The following KRT7 variants were observed in gnomAD, a reference collection of about 807,000 sequenced individuals.
The protein encoded by KRT7 is keratin 7, also known as keratin, type II cytoskeletal 7.
KRT7 carries 50 observed loss-of-function variants against 42.8 expected under a neutral mutation model. The ratio of observed to expected loss-of-function variants is 1.17; its 90% CI spans 0.93 to 1.48. The LOEUF (loss-of-function observed/expected upper bound fraction) is 1.48. Ranked by LOEUF, KRT7 falls within the 40% of genes most tolerant of loss-of-function variation. KRT7 has a pLI of 0.00. For missense variants in KRT7, 588 were observed against 637.6 expected, an observed-to-expected ratio of 0.92 and a Z score of 0.84; for synonymous variants, 268 against 266.3, an observed-to-expected ratio of 1.01 and a Z score of -0.06.
chr12:52,254,525 C>A (rs1592402503), downstream of KRT7, among the ~76,000 whole-genome samples: 1 of 152,150 alleles, frequency 6.6e-6, no homozygotes, highest in East Asian at 1.9e-4. Flanking sequence ...GGTGAAGCCC[C>A]TTATACAGTT....
chr12:52,246,775 G>A (rs934588571), intron 7 of KRT7, among the ~76,000 whole-genome samples: 3 of 152,110 alleles, frequency 2.0e-5, no homozygotes, highest in Admixed American at 6.5e-5. Context: ...CTCTGCTTTC[G>A]CCTCTCCCAC....
intron 2 of KRT7, 33 bp downstream of exon 2, chr12:52,235,399 T>C (rs1463694829): frequency 6.4e-7 from 1 of 1,559,518 alleles, no homozygotes; most frequent in East Asian, 2.3e-5. Flanking sequence ...CGAAGACCCC[T>C]GCCCCGGGCC....
chr12:52,255,539 A>AG (rs1398658259), downstream of KRT7: 1 of 424,706 alleles, frequency 2.4e-6, no homozygotes, highest in African/African-American at 2.0e-5. Flanking sequence ...GTTGGACTGA[A>AG]GGGAACTTGT....
downstream of KRT7, chr12:52,253,349 A>G (rs1422747919): frequency 6.2e-7 from 1 of 1,612,064 alleles, no homozygotes; most frequent in African/African-American, 1.3e-5. Flanking sequence ...CTGGGGAAGT[A>G]GAGTTGCTTA....
At chr12:52,242,836 A>C (rs1245531285) in intron 5 of KRT7, among the ~76,000 whole-genome samples, 176 bp from the exon 6 acceptor site, 1 of 152,134 alleles carries the variant, frequency 6.6e-6, no homozygotes, top group Admixed American at 6.6e-5. Flanking sequence ...TTGGAGGAGA[A>C]TGAATCCCTT....
intron 6 of KRT7, chr12:52,243,372 G>C (rs1942121750): frequency 2.0e-6 from 1 of 491,728 alleles, no homozygotes; most frequent in African/African-American, 2.0e-5. Flanking sequence ...GACTCAGGCT[G>C]GCTGGCCAGA....
At chr12:52,250,686 G>T, downstream of KRT7, 1 of 586,480 alleles carries the variant, frequency 1.7e-6, no homozygotes, top group Admixed American at 2.2e-5. Context: ...GCGGCCAGAG[G>T]CCCCTTCTGC....
At chr12:52,250,393 C>T (rs537169841), downstream of KRT7, 1 of 394,604 alleles carries the variant, frequency 2.5e-6, no homozygotes. Flanking sequence ...GTCTGGGGAC[C>T]GTGGGAGCTC....
intron 5 of KRT7, 98 bp downstream of exon 5, chr12:52,241,734 C>T (rs1592392577): frequency 9.0e-7 from 1 of 1,113,060 alleles, no homozygotes; most frequent in East Asian, 2.5e-5. Context: ...GCCTGGGTCC[C>T]ACTGTTCTGG....
chr12:52,243,792 G>T (rs1316379391), intron 6 of KRT7, among the ~76,000 whole-genome samples: 2 of 152,204 alleles, frequency 1.3e-5, no homozygotes, highest in African/African-American at 4.8e-5. Flanking sequence ...GTTCTTTGAA[G>T]CCCCTGTCAC....
downstream of KRT7, chr12:52,250,567 C>G (rs1471793598): frequency 8.0e-7 from 1 of 1,254,526 alleles, no homozygotes; most frequent in Non-Finnish European, 1.1e-6. Flanking sequence ...GCACTGCAGA[C>G]GCTGCCCGTC....
downstream of KRT7, chr12:52,255,479 A>G: frequency 2.2e-6 from 1 of 454,564 alleles, no homozygotes. Flanking sequence ...ACAGGCAAAC[A>G]CATTCCGGGA....
At chr12:52,254,293 G>T (rs745574728), downstream of KRT7, 5 of 976,124 alleles carry the variant, frequency 5.1e-6, no homozygotes, top group Non-Finnish European at 8.0e-6. Context: ...GCCTCAGGAA[G>T]TCGATCTCCT....
At chr12:52,238,460 G>A (rs1178776348) in intron 3 of KRT7, among the ~76,000 whole-genome samples, 2 of 152,198 alleles carry the variant, frequency 1.3e-5, no homozygotes, top group East Asian at 1.9e-4. Flanking sequence ...GGCTTCAGTT[G>A]CTCTGGGATA....
intron 1 of KRT7, among the ~76,000 whole-genome samples, chr12:52,234,952 C>T (rs896777685): frequency 6.6e-6 from 1 of 152,192 alleles, no homozygotes; most frequent in African/African-American, 2.4e-5. Flanking sequence ...GGGGCACTTC[C>T]GTGCACCAGG....
At chr12:52,251,061 C>T (rs1942259927), downstream of KRT7, among the ~76,000 whole-genome samples, 1 of 152,168 alleles carries the variant, frequency 6.6e-6, no homozygotes, top group Non-Finnish European at 1.5e-5. Flanking sequence ...CTCACTGCAA[C>T]CTCTGCCTCC....
intron 7 of KRT7, chr12:52,246,009 TG>T (rs751886574): frequency 1.8e-4 from 41 of 231,050 alleles, no homozygotes; most frequent in Non-Finnish European, 2.8e-4. Flanking sequence ...AGGGCCAGAG[TG>T]CAGTCAGGGT....
downstream of KRT7, chr12:52,252,368 C>T (rs761713415): frequency 9.3e-6 from 15 of 1,614,014 alleles, no homozygotes; most frequent in Non-Finnish European, 1.2e-5. Flanking sequence ...AGGCCATGTC[C>T]TGCTTGGCCT....
At chr12:52,251,974 C>T (rs149816001), downstream of KRT7, 79 of 611,330 alleles carry the variant, frequency 1.3e-4, no homozygotes, top group East Asian at 2.7e-3. Flanking sequence ...AAAAAGTTTG[C>T]CTGCCCAGAA....
Sources: gnomAD v4.1 joint callset for allele counts (sites outside exome capture counted in the v4.1 genomes callset) on GRCh38, gnomAD v4.1.1 for gene constraint, MANE v1.5 for transcripts, NCBI Gene and HGNC (gene_info 2026-07-23, HGNC 2026-07-21) for gene names.